GGA2: variants seen among roughly 807,000 people sequenced by gnomAD.
GGA2 encodes the protein ADP-ribosylation factor-binding protein GGA2.
Under a neutral mutation model 79.5 loss-of-function variants are expected in GGA2, and 48 were observed. The observed-to-expected ratio is 0.60, with a 90% CI of 0.48 to 0.77. The LOEUF (loss-of-function observed/expected upper bound fraction) is 0.77, where lower values mean the gene tolerates loss of function less well. GGA2 is among the 30% of genes least tolerant of loss of function. The pLI is 0.00. For synonymous variants in GGA2, 317 were observed against 302.0 expected (o/e 1.05, Z -0.51); for missense variants, 770 against 774.0 (o/e 0.99, Z 0.06).
At position 23,510,467 on chromosome 16, in the gene GGA2, C is replaced by T; in HGVS notation, c.-56G>A. ...GCCACTGCCTCTTCAGCCGCTGTAG[C>T]GTCCTGGCGCTCTCCTCTGCTGACT... On this transcript the variant is annotated 5_prime_UTR_variant, in exon 1 of 17. Coordinates refer to ENST00000309859, the MANE Select transcript of GGA2 (RefSeq NM_015044.4). 2 of 627,884 alleles carry T rather than the reference C, an allele frequency of 3.2e-6. No homozygotes were observed. The highest frequency in any genetic ancestry group is 4.7e-6 in the Non-Finnish European group (2 of 425,608). The allele number at this position is 627,884 out of a possible 1,614,324, so 38.9% of individuals were successfully genotyped here. A position where few individuals can be genotyped will look rare whatever the true frequency, so the allele number is the denominator to read the frequency against.
intron 8 of GGA2, among the ~76,000 whole-genome samples, chr16:23,485,118 A>T (rs1026223722): frequency 5.3e-5 from 8 of 152,232 alleles, no homozygotes; most frequent in African/African-American, 1.9e-4. Context: ...GGCTACGTAA[A>T]GGAAGCCAGA....
upstream of GGA2, chr16:23,510,559 C>CA (rs538639115): frequency 7.1e-4 from 275 of 389,368 alleles, no homozygotes; most frequent in South Asian, 8.6e-3. Context: ...CCAGGCCCCC[C>CA]CTCCACGCGG....
At chr16:23,473,356 T>TTTTA (rs1555498980) in intron 14 of GGA2, among the ~76,000 whole-genome samples, 4 of 140,472 alleles carry the variant, frequency 2.8e-5, no homozygotes, top group Non-Finnish European at 4.5e-5. Flanking sequence ...TTTTTTTTTT[T>TTTTA]AGACAGAGTC....
At chr16:23,508,885 C>T (rs771678083) in intron 1 of GGA2, among the ~76,000 whole-genome samples, 3 of 152,158 alleles carry the variant, frequency 2.0e-5, no homozygotes, top group Non-Finnish European at 4.4e-5. Context: ...CTGTAACCCA[C>T]CAGTTCCTCG....
At chr16:23,484,697 C>G (rs1303224147) in intron 8 of GGA2, among the ~76,000 whole-genome samples, 1 of 152,168 alleles carries the variant, frequency 6.6e-6, no homozygotes, top group Non-Finnish European at 1.5e-5. Flanking sequence ...CAGGAGGACT[C>G]CAATCAAAAA....
At chr16:23,475,164 A>C in intron 13 of GGA2, 103 bp from the exon 14 acceptor site, 7 of 614,822 alleles carry the variant, frequency 1.1e-5, no homozygotes, top group Non-Finnish European at 2.0e-5. Context: ...ACACACACAC[A>C]CACACAGAGT....
In GGA2 at chr16:23,510,390, C is replaced by A. The variant is rs759483473; in HGVS notation, c.22G>T (p.Ala8Ser). ...GCCGACTCGGTTCCCGCCACAGCCGCCGCCACCGCGGTCGCCGCCATCGCT... is the reference window on the plus strand; with the variant it reads ...GCCGACTCGGTTCCCGCCACAGCCGACGCCACCGCGGTCGCCGCCATCGCT... MAATAVAAAVAGTESAQG... is the reference protein window; with the variant it reads MAATAVASAVAGTESAQG... The change falls in exon 1 of 17, where the codon GCG becomes TCG. Residue 8 changes from alanine (A) to serine (S), a missense_variant. By Grantham distance (99) the Ala-to-Ser change is moderately conservative. Transcript: ENST00000309859. 1 of 1,399,872 alleles carries A rather than the reference C, an allele frequency of 7.1e-7. No homozygotes were observed. Among genetic ancestry groups the A allele is most frequent in the South Asian group, 1.5e-5 (1 of 67,260 alleles). 86.7% of individuals were successfully genotyped at this position (1,399,872 alleles called of 1,614,324 possible). A position where few individuals can be genotyped will look rare whatever the true frequency, so the allele number is the denominator to read the frequency against.
Position 23,491,699 on chromosome 16 carries a change from A to T in GGA2, c.453T>A (p.Ala151=), listed in dbSNP as rs1338291396. The change falls in exon 5 of 17, where the codon GCT becomes GCA. Residue 151 remains alanine, a synonymous_variant. Coordinates refer to ENST00000309859, the MANE Select transcript of GGA2 (RefSeq NM_015044.4). ...GACCTTGTTTCTTCAGCATCTGATA[A>T]GCGTCTCGAATCTTGATGTCTTCCG... ...WFPEDIKIRD[A]YQMLKKQGII... 1.2e-6 allele frequency: 2 copies of T among 1,613,144 alleles called. No individual in the cohort carries two copies. The highest frequency in any genetic ancestry group is 4.5e-5 in the East Asian group (2 of 44,872).
At chr16:23,487,315 G>A (rs1441892532) in intron 6 of GGA2, among the ~76,000 whole-genome samples, 1 of 152,098 alleles carries the variant, frequency 6.6e-6, no homozygotes. Flanking sequence ...GGGATGTGGG[G>A]GTTACTTCTC....
intron 13 of GGA2, 127 bp from the exon 14 acceptor site, chr16:23,475,188 CCTTT>C: frequency 2.0e-6 from 1 of 491,412 alleles, no homozygotes; most frequent in South Asian, 2.5e-5. Context: ...ATGTTATATG[CCTTT>C]TTTTTTTTTT....
intron 3 of GGA2, chr16:23,494,004 C>G (rs1964822954): frequency 4.6e-6 from 2 of 437,310 alleles, no homozygotes; most frequent in African/African-American, 3.9e-5. Flanking sequence ...TAGAACTGCC[C>G]TCTCTAGAAA....
intron 1 of GGA2, among the ~76,000 whole-genome samples, chr16:23,505,544 G>C (rs778934315): frequency 1.3e-5 from 2 of 152,190 alleles, no homozygotes; most frequent in African/African-American, 2.4e-5. Context: ...AGAATGCACA[G>C]GCGCTGCCGT....
chr16:23,494,170 C>G, intron 3 of GGA2, 133 bp downstream of exon 3: 3 of 682,974 alleles, frequency 4.4e-6, no homozygotes, highest in Non-Finnish European at 8.0e-6. Context: ...CCTCCTCCAA[C>G]CTGCTGTGAA....
At chr16:23,518,066 C>T (rs185367351) in intron 2 of GGA2, among the ~76,000 whole-genome samples, 2 of 152,154 alleles carry the variant, frequency 1.3e-5, no homozygotes, top group African/African-American at 2.4e-5. Context: ...GTGCGCACCA[C>T]CATGCCTGGC....
intron 1 of GGA2, among the ~76,000 whole-genome samples, chr16:23,497,737 G>C (rs1043261632): frequency 6.6e-6 from 1 of 152,110 alleles, no homozygotes; most frequent in African/African-American, 2.4e-5. Flanking sequence ...CTCCTCCTCT[G>C]AACAGATATT....
upstream of GGA2, chr16:23,523,393 C>T (rs1965171987): frequency 6.6e-6 from 1 of 152,226 alleles, no homozygotes; most frequent in Non-Finnish European, 1.5e-5. Flanking sequence ...TGAAGGTCTC[C>T]AGTCCAAGGA....
At chr16:23,508,059 G>C (rs1302810690) in intron 1 of GGA2, among the ~76,000 whole-genome samples, 1 of 150,742 alleles carries the variant, frequency 6.6e-6, no homozygotes, top group African/African-American at 2.4e-5. Context: ...TCTTACTCCG[G>C]CTACTTTTTT....
intron 2 of GGA2, among the ~76,000 whole-genome samples, chr16:23,518,793 C>T (rs916751965): frequency 2.0e-5 from 3 of 152,212 alleles, no homozygotes; most frequent in African/African-American, 7.2e-5. Context: ...AGTCCTCAAA[C>T]ACTTTTTCAT....
upstream of GGA2, chr16:23,524,279 C>T (rs1344537910): frequency 6.4e-6 from 7 of 1,096,062 alleles, no homozygotes; most frequent in Middle Eastern, 2.2e-4. Flanking sequence ...GCAAACTTCC[C>T]GACGGGCCCC....
Sources: gnomAD v4.1 joint callset for allele counts (sites outside exome capture counted in the v4.1 genomes callset) on GRCh38, gnomAD v4.1.1 for gene constraint, MANE v1.5 for transcripts, NCBI Gene and HGNC (gene_info 2026-07-23, HGNC 2026-07-21) for gene names.